Variants in SH3D19 observed in about 807,000 individuals in gnomAD.
The protein encoded by SH3D19 is SH3 domain containing 19.
A neutral mutation model predicts 112.1 loss-of-function variants in SH3D19; 58 were observed. The observed-to-expected ratio is 0.52, with a 90% CI of 0.42 to 0.64. The LOEUF is 0.64. SH3D19 is among the 30% of genes least tolerant of loss of function. The pLI is 0.00. For synonymous variants in SH3D19, 391 were observed against 448.5 expected (o/e 0.87, Z 1.62); for missense variants, 1,090 against 1,263.4 (o/e 0.86, Z 2.08).
intron 2 of SH3D19, among the ~76,000 whole-genome samples, chr4:151,196,874 TAACA>T (rs1159807420): frequency 6.6e-6 from 1 of 152,042 alleles, no homozygotes; most frequent in East Asian, 1.9e-4. Context: ...TATAAATGGC[TAACA>T]AACATATGAA....
intron 3 of SH3D19, chr4:151,181,669 T>A (rs1391448639): frequency 6.6e-6 from 1 of 152,168 alleles, no homozygotes; most frequent in African/African-American, 2.4e-5. Context: ...AAAGACTTCA[T>A]GTTATCATCA....
At chr4:151,209,139 C>A (rs1344556239) in intron 2 of SH3D19, among the ~76,000 whole-genome samples, 1 of 151,986 alleles carries the variant, frequency 6.6e-6, no homozygotes, top group Non-Finnish European at 1.5e-5. Context: ...AGAAACTTTC[C>A]CAGGGAACCC....
intron 1 of SH3D19, chr4:151,226,363 T>G: frequency 7.3e-6 from 8 of 1,093,606 alleles, no homozygotes; most frequent in Non-Finnish European, 8.9e-6. Flanking sequence ...TTTCCTGTGC[T>G]AAATACTTTG....
chr4:151,279,758 C>G, intron 1 of SH3D19: 2 of 1,600,456 alleles, frequency 1.2e-6, no homozygotes, highest in Non-Finnish European at 1.7e-6. Flanking sequence ...AAACAGGACT[C>G]CTAGGTTTCC....
chr4:151,231,073 G>T (rs987024982), intron 1 of SH3D19, among the ~76,000 whole-genome samples: 2 of 152,158 alleles, frequency 1.3e-5, no homozygotes, highest in Non-Finnish European at 2.9e-5. Flanking sequence ...TTACCTAAAG[G>T]TTCCTTGGGG....
chr4:151,126,965 A>C (rs980703979), intron 19 of SH3D19, among the ~76,000 whole-genome samples: 10 of 148,384 alleles, frequency 6.7e-5, no homozygotes, highest in Non-Finnish European at 1.2e-4. Flanking sequence ...ACAAGAGTGC[A>C]GTGGTGCAAT....
chr4:151,276,970 A>G (rs142389574), intron 1 of SH3D19, among the ~76,000 whole-genome samples: 68 of 152,278 alleles, frequency 4.5e-4, no homozygotes, highest in African/African-American at 1.6e-3. Flanking sequence ...CACAGACCCC[A>G]GTTCCTCCCC....
At chr4:151,205,588 C>G (rs1764992986) in intron 2 of SH3D19, among the ~76,000 whole-genome samples, 1 of 152,088 alleles carries the variant, frequency 6.6e-6, no homozygotes, top group South Asian at 2.1e-4. Context: ...CTCTATTCTA[C>G]CCACTAGGTC....
intron 17 of SH3D19, among the ~76,000 whole-genome samples, chr4:151,131,015 T>C (rs1750576067): frequency 6.6e-6 from 1 of 152,164 alleles, no homozygotes; most frequent in Admixed American, 6.5e-5. Context: ...TAGATGCAAT[T>C]TAATACTAGT....
rs796449413 is a variant in SH3D19 at position 151,156,313 on chromosome 4, G to GA, written c.1755+2926dup. Among the ~76,000 whole-genome samples the GA allele has an allele frequency of 2.6e-3, 385 of 150,826 alleles. 1 individual carries two copies. Among genetic ancestry groups the GA allele is most frequent in the African/African-American group, 8.8e-3 (364 of 41,146 alleles). On this transcript the variant is annotated intron_variant, in intron 9 of 19. Coordinates refer to ENST00000604030, the MANE Select transcript of SH3D19 (RefSeq NM_001378122.1). ...ACAAATGACATTCTTTACAAACAAAGAAAAAAAAATCCTAAAACTTGTACG... is the reference window on the plus strand; with the variant it reads ...ACAAATGACATTCTTTACAAACAAAGAAAAAAAAAATCCTAAAACTTGTACG...
chr4:151,169,801 G>A (rs767365298), intron 7 of SH3D19, among the ~76,000 whole-genome samples: 1 of 152,130 alleles, frequency 6.6e-6, no homozygotes, highest in Non-Finnish European at 1.5e-5. Flanking sequence ...CAGCAGAAGT[G>A]AACATGCTTA....
In SH3D19 at chr4:151,325,276, GCGCGGCGCTGGCCACCAAGTT is replaced by G; in HGVS notation, c.56_76del (p.Glu19_Arg25del). Reference sequence around the variant, plus strand: ...GTGGCCCGAGAGCGCACGGCCCCGGGCGCGGCGCTGGCCACCAAGTTCGCGGCGCTCGCGTAGCTCTTCCTC... The same window carrying G: ...GTGGCCCGAGAGCGCACGGCCCCGGGCGCGGCGCTCGCGTAGCTCTTCCTC... On this transcript the variant is annotated inframe_deletion, in exon 1 of 20. Transcript: ENST00000604030. 2 of 1,221,786 alleles carry G rather than the reference GCGCGGCGCTGGCCACCAAGTT, an allele frequency of 1.6e-6. No individual in the cohort carries two copies. The highest frequency in any genetic ancestry group is 2.0e-6 in the Non-Finnish European group (2 of 981,492). The allele number at this position is 1,221,786 out of a possible 1,614,324, so 75.7% of individuals were successfully genotyped here.
At chr4:151,160,606 G>A (rs1211200999) in intron 8 of SH3D19, among the ~76,000 whole-genome samples, 9 of 151,934 alleles carry the variant, frequency 5.9e-5, no homozygotes, top group African/African-American at 1.9e-4. Flanking sequence ...ACTGAAGGAC[G>A]CTAAAGCCAC....
At position 151,175,522 on chromosome 4, in the gene SH3D19, G is replaced by A; in HGVS notation, c.682C>T (p.Pro228Ser). The change falls in exon 7 of 20, where the codon CCA becomes TCA. Residue 228 changes from proline to serine, a missense_variant. Pro to Ser is a moderately conservative substitution (Grantham distance 74). Transcript: ENST00000604030. The part of the protein sequence containing the change: ...PSATRCPVPK[P>S]RSKSNLRPIP... ...GGTCTGAGGTTGCTTTTTGATCTTG[G>A]TTTTGGCACTGGACATCTTGTAGCA... 7.1e-7 allele frequency: 1 copy of A among 1,402,772 alleles called. No individual in the cohort carries two copies. The highest frequency in any genetic ancestry group is 9.2e-7 in the Non-Finnish European group (1 of 1,083,512). The allele number at this position is 1,402,772 out of a possible 1,614,324, so 86.9% of individuals were successfully genotyped here.
At chr4:151,147,272 G>C (rs1035603012) in intron 11 of SH3D19, among the ~76,000 whole-genome samples, 6 of 152,096 alleles carry the variant, frequency 3.9e-5, no homozygotes, top group Admixed American at 6.6e-5. Context: ...TCTCTTAAAT[G>C]AAAGGAAAAA....
At chr4:151,306,330 C>T (rs185069628) in intron 1 of SH3D19, among the ~76,000 whole-genome samples, 1 of 152,302 alleles carries the variant, frequency 6.6e-6, no homozygotes, top group African/African-American at 2.4e-5. Flanking sequence ...ATCTCAGCTG[C>T]ACTTAACTTC....
chr4:151,313,844 A>T (rs1023968947), intron 1 of SH3D19, among the ~76,000 whole-genome samples: 1 of 152,206 alleles, frequency 6.6e-6, no homozygotes, highest in Non-Finnish European at 1.5e-5. Flanking sequence ...GTAGCAAGAT[A>T]AGACAGGATC....
chr4:151,158,808 TA>T lies in SH3D19; in HGVS notation c.1755+431del, dbSNP rs527539053. Among the ~76,000 whole-genome samples the T allele has an allele frequency of 4.9e-4, 75 of 151,892 alleles. 1 individual carries two copies. The South Asian group carries it at 7.3e-3, about 15-fold the overall frequency. ...GCACAGTAAAACACTATTTTTTAAA[TA>T]AAAAAAATACATTTTTCTTAAATTT... On this transcript the variant is annotated intron_variant, in intron 9 of 19. Transcript: ENST00000604030.
At chr4:151,132,968 A>G in intron 16 of SH3D19, 66 bp downstream of exon 16, 1 of 1,300,366 alleles carries the variant, frequency 7.7e-7, no homozygotes, top group Non-Finnish European at 1.1e-6. Flanking sequence ...CAGCTTAAGT[A>G]TAATGATATT....
Sources: allele counts gnomAD v4.1 joint callset (sites outside exome capture counted in the v4.1 genomes callset), GRCh38; gene constraint gnomAD v4.1.1; transcripts MANE v1.5; gene names NCBI Gene and HGNC (gene_info 2026-07-23, HGNC 2026-07-21).